EFCAB6: variants seen among roughly 807,000 people sequenced by gnomAD.
EFCAB6 encodes the protein EF-hand calcium binding domain 6.
In EFCAB6, 156 loss-of-function variants were observed where a neutral mutation model predicts 169.8. The ratio of observed to expected loss-of-function variants is 0.92; its 90% CI spans 0.81 to 1.05. The LOEUF (loss-of-function observed/expected upper bound fraction) is 1.05, where lower values mean the gene tolerates loss of function less well. EFCAB6 is among the 50% of genes least tolerant of loss of function. The pLI is 0.00. For synonymous variants in EFCAB6, 698 were observed against 676.4 expected, an observed-to-expected ratio of 1.03 and a Z score of -0.50; for missense variants, 1,800 against 1,829.1, an observed-to-expected ratio of 0.98 and a Z score of 0.29.
intron 17 of EFCAB6, among the ~76,000 whole-genome samples, chr22:43,658,313 C>T (rs907216567): frequency 4.6e-5 from 7 of 152,082 alleles, no homozygotes; most frequent in African/African-American, 7.2e-5. Flanking sequence ...AACTGCAAGG[C>T]GGGGGAACCT....
At chr22:43,584,958 G>A (rs1038759086) in intron 24 of EFCAB6, among the ~76,000 whole-genome samples, 1 of 152,174 alleles carries the variant, frequency 6.6e-6, no homozygotes, top group African/African-American at 2.4e-5. Context: ...TGCACCAATA[G>A]CTACAGCAAA....
chr22:43,641,019 T>C (rs1476874253), intron 17 of EFCAB6, among the ~76,000 whole-genome samples: 2 of 152,186 alleles, frequency 1.3e-5, no homozygotes, highest in African/African-American at 4.8e-5. Context: ...TCTGTTTACT[T>C]CCATAGATAG....
At chr22:43,735,823 T>C (rs749895594) in intron 7 of EFCAB6, 34 bp downstream of exon 7, 1 of 1,607,656 alleles carries the variant, frequency 6.2e-7, no homozygotes, top group South Asian at 1.1e-5. Flanking sequence ...AAAGTTCTAC[T>C]GAGCAATCTC....
intron 26 of EFCAB6, among the ~76,000 whole-genome samples, chr22:43,564,268 C>T (rs541610786): frequency 1.8e-4 from 28 of 151,660 alleles, no homozygotes; most frequent in African/African-American, 6.8e-4. Context: ...GCCAACATGG[C>T]GAAACCCCAT....
At chr22:43,598,336 A>AAAAAG (rs2147499182) in intron 23 of EFCAB6, among the ~76,000 whole-genome samples, 1 of 150,728 alleles carries the variant, frequency 6.6e-6, no homozygotes, top group Non-Finnish European at 1.5e-5. Flanking sequence ...AAAAAAAAAA[A>AAAAAG]AAGGTTGATC....
chr22:43,694,988 T>G (rs377637075), intron 10 of EFCAB6, among the ~76,000 whole-genome samples: 1 of 151,964 alleles, frequency 6.6e-6, no homozygotes, highest in Admixed American at 6.6e-5. Flanking sequence ...ACTGCCTAGA[T>G]AGTAAAATTG....
chr22:43,555,154 C>G, intron 26 of EFCAB6, 58 bp from the exon 27 acceptor site: 1 of 1,572,258 alleles, frequency 6.4e-7, no homozygotes, highest in Admixed American at 1.7e-5. Context: ...ACCTCTTGCT[C>G]TGGGCTCCTC....
chr22:43,541,314 C>T (rs766720768), intron 27 of EFCAB6, among the ~76,000 whole-genome samples: 6 of 152,160 alleles, frequency 3.9e-5, no homozygotes, highest in African/African-American at 7.2e-5. Context: ...GGGAGAGGTA[C>T]GGAAGTCGGG....
intron 6 of EFCAB6, among the ~76,000 whole-genome samples, chr22:43,745,020 A>G (rs1338192835): frequency 6.6e-6 from 1 of 152,228 alleles, no homozygotes; most frequent in Non-Finnish European, 1.5e-5. Flanking sequence ...AGATATTCCT[A>G]TGGGACAAGA....
rs144188681 is a variant in EFCAB6 at position 43,620,680 on chromosome 22, T to C, written c.2466-4758A>G. Among the ~76,000 whole-genome samples, 66 of 152,322 alleles carry C rather than the reference T, an allele frequency of 4.3e-4. No homozygotes were observed. The East Asian group carries it at 9.3e-3, about 21-fold the overall frequency. On this transcript the variant is annotated intron_variant, in intron 20 of 31. Coordinates refer to ENST00000262726, the MANE Select transcript of EFCAB6 (RefSeq NM_022785.4). ...AATAGCAACAGAAATGGTAAATACC[T>C]AGGAAATTATAATACACAATTTTTT... is the stretch of plus-strand genomic sequence containing the variant.
At chr22:43,580,764 T>A in intron 24 of EFCAB6, 105 bp from the exon 25 acceptor site, 2 of 1,243,834 alleles carry the variant, frequency 1.6e-6, no homozygotes, top group East Asian at 4.6e-5. Flanking sequence ...GGAAAATGAA[T>A]AATTTTAAGA....
chr22:43,792,424 G>A (rs925879810), intron 2 of EFCAB6, among the ~76,000 whole-genome samples: 4 of 152,182 alleles, frequency 2.6e-5, no homozygotes, highest in Non-Finnish European at 5.9e-5. Context: ...TGCACATCTT[G>A]GCCAGGAAGG....
At chr22:43,618,529 G>A (rs1379934160) in intron 20 of EFCAB6, among the ~76,000 whole-genome samples, 3 of 152,176 alleles carry the variant, frequency 2.0e-5, no homozygotes, top group Non-Finnish European at 4.4e-5. Context: ...GAAGGCTGAT[G>A]GAGGGAGAAA....
At chr22:43,542,435 C>T (rs892584630) in intron 27 of EFCAB6, among the ~76,000 whole-genome samples, 1 of 152,188 alleles carries the variant, frequency 6.6e-6, no homozygotes, top group South Asian at 2.1e-4. Flanking sequence ...CAAAAATTAG[C>T]TGGGCGTGGT....
intron 27 of EFCAB6, among the ~76,000 whole-genome samples, chr22:43,546,872 CAAA>C (rs550158459): frequency 8.8e-6 from 1 of 113,892 alleles, no homozygotes. Context: ...GACTCTGTCT[CAAA>C]AAAAAAAAAA....
rs544679691 is a variant in EFCAB6 at position 43,730,172 on chromosome 22, C to T, written c.757+1527G>A. 4.1e-4 allele frequency among the ~76,000 whole-genome samples: 42 copies of T among 103,348 alleles called. No homozygotes were observed. The East Asian group carries it at 8.9e-3, about 22-fold the overall frequency. 67.8% of individuals were successfully genotyped at this position (103,348 alleles called of 152,430 possible). ...ACTCAAGCCTGGGCAACAGAGCAAGCGAGACCTTGTAGAAATAAGAAAGAA... is the reference window on the plus strand; with the variant it reads ...ACTCAAGCCTGGGCAACAGAGCAAGTGAGACCTTGTAGAAATAAGAAAGAA... On this transcript the variant is annotated intron_variant, in intron 8 of 31. Transcript: ENST00000262726.
chr22:43,538,796 G>A (rs1246981659), intron 28 of EFCAB6, among the ~76,000 whole-genome samples: 1 of 152,188 alleles, frequency 6.6e-6, no homozygotes, highest in Non-Finnish European at 1.5e-5. Flanking sequence ...ATGGCCTCCA[G>A]GCCTCCAGCC....
chr22:43,671,148 T>A (rs956135896), intron 15 of EFCAB6, among the ~76,000 whole-genome samples: 1 of 152,210 alleles, frequency 6.6e-6, no homozygotes, highest in Admixed American at 6.5e-5. Flanking sequence ...CTAATGGCAG[T>A]GGGACTGCAA....
At chr22:43,605,691 C>CG (rs2052868936) in intron 22 of EFCAB6, among the ~76,000 whole-genome samples, 1 of 151,838 alleles carries the variant, frequency 6.6e-6, no homozygotes, top group Admixed American at 6.6e-5. Context: ...TGGAGCTGGA[C>CG]GGTGGTGACA....
Sources: gnomAD v4.1 joint callset for allele counts (sites outside exome capture counted in the v4.1 genomes callset) on GRCh38, gnomAD v4.1.1 for gene constraint, MANE v1.5 for transcripts, NCBI Gene and HGNC (gene_info 2026-07-23, HGNC 2026-07-21) for gene names.